The following SLC39A7 variants were observed in gnomAD, a reference collection of about 807,000 sequenced individuals.
The protein encoded by SLC39A7 is zinc transporter SLC39A7.
SLC39A7 carries 25 observed loss-of-function variants against 39.7 expected under a neutral mutation model. The ratio of observed to expected loss-of-function variants is 0.63; its 90% CI spans 0.46 to 0.88. SLC39A7 has a LOEUF of 0.88. Ranked by LOEUF, SLC39A7 falls within the 40% of genes least tolerant of loss-of-function variation. SLC39A7 has a pLI of 0.00. For missense variants in SLC39A7, 501 were observed against 592.1 expected, an observed-to-expected ratio of 0.85 and a Z score of 1.60; for synonymous variants, 181 against 234.1, an observed-to-expected ratio of 0.77 and a Z score of 2.07.
chr6:33,201,433 G>A lies in SLC39A7; in HGVS notation c.188G>A (p.Gly63Asp). Residue 63 changes from glycine (G) to aspartate (D), a missense_variant, in exon 1 of 7, where the codon GGC (glycine) becomes GAC (aspartate). Transcript: ENST00000374677. The surrounding 1 kb of genome is among the most constrained non-coding windows in gnomAD (Gnocchi z 5.9). ...DFHHGHSHAH[G>D]HGHTHESIWH... ...CACCATGGCCACAGCCATGCCCATG[G>A]CCATGGCCACACTCACGAGAGCATC... 3 of 1,613,558 alleles carry A rather than the reference G, an allele frequency of 1.9e-6. No individual in the cohort carries two copies. Among genetic ancestry groups the A allele is most frequent in the Non-Finnish European group, 2.5e-6 (3 of 1,179,528 alleles).
Position 33,201,450 on chromosome 6 carries a change from G to A in SLC39A7, c.205G>A (p.Glu69Lys). Residue 69 changes from glutamate to lysine, a missense_variant, in exon 1 of 7, where the codon GAG (glutamate) becomes AAG (lysine). By Grantham distance (56) the Glu-to-Lys change is moderately conservative. Transcript: ENST00000374677. This position sits in a 1 kb window ranked among gnomAD's most constrained non-coding sequence, Gnocchi z 5.9. ...TGCCCATGGCCATGGCCACACTCAC[G>A]AGAGCATCTGGCATGGACATACCCA... ...SHAHGHGHTH[E>K]SIWHGHTHDH... 3 of 1,614,092 alleles carry A rather than the reference G, an allele frequency of 1.9e-6. No homozygotes were observed. Among genetic ancestry groups the A allele is most frequent in the Non-Finnish European group, 2.5e-6 (3 of 1,179,976 alleles).
chr6:33,201,972 G>A lies in SLC39A7; in HGVS notation c.580+59G>A. On this transcript the variant is annotated intron_variant, in intron 2 of 6. Transcript: ENST00000374677. The surrounding 1 kb of genome is among the most constrained non-coding windows in gnomAD (Gnocchi z 5.9). ...CCTATTTCGTTCTTTGGAGGAAAAGGGTTCTTTCTCCTTTATGATCCCTGA... is the reference window on the plus strand; with the variant it reads ...CCTATTTCGTTCTTTGGAGGAAAAGAGTTCTTTCTCCTTTATGATCCCTGA... 1 of 1,599,094 alleles carries A rather than the reference G, an allele frequency of 6.3e-7. No individual in the cohort carries two copies. Among genetic ancestry groups the A allele is most frequent in the Non-Finnish European group, 8.6e-7 (1 of 1,167,470 alleles).
At chr6:33,202,488 A>C in intron 4 of SLC39A7, 61 bp downstream of exon 4, 2 of 1,603,172 alleles carry the variant, frequency 1.2e-6, no homozygotes, top group South Asian at 2.2e-5. Flanking sequence ...TCCTCATCTT[A>C]TGGCCCTCAG....
At chr6:33,203,408 C>G in intron 6 of SLC39A7, 133 bp from the exon 7 acceptor site, 1 of 934,300 alleles carries the variant, frequency 1.1e-6, no homozygotes, top group Non-Finnish European at 1.6e-6. Flanking sequence ...CTAGACTGCT[C>G]CCTCTTCTCT....
rs1774536707 is a variant in SLC39A7, at chr6:33,201,386, C to T, written c.141C>T (p.His47=). 1 of 1,614,114 alleles carries T rather than the reference C, an allele frequency of 6.2e-7. No individual in the cohort carries two copies. Among genetic ancestry groups the T allele is most frequent in the Non-Finnish European group, 8.5e-7 (1 of 1,179,984 alleles). ...AAGAGGACTTCCATGGCCACAGCCA[C>T]AGGCACTCACATGAAGATTTCCACC... The part of the protein sequence containing the change: ...DLQEDFHGHS[H]RHSHEDFHHG... The change falls in exon 1 of 7, where the codon CAC becomes CAT. Residue 47 remains histidine, a synonymous_variant. Transcript: ENST00000374677. The surrounding 1 kb of genome is among the most constrained non-coding windows in gnomAD (Gnocchi z 5.9).
rs377655534 is a variant in SLC39A7 at position 33,203,855 on chromosome 6, C to T, written c.*42C>T. 3.5e-5 allele frequency: 56 copies of T among 1,605,708 alleles called. No individual in the cohort carries two copies. In the African/African-American group the frequency reaches 6.6e-4, roughly 19 times the overall value. On this transcript the variant is annotated 3_prime_UTR_variant, in exon 7 of 7. Coordinates refer to ENST00000374677, the MANE Select transcript of SLC39A7 (RefSeq NM_006979.3). ...CCCTGCCCCAAACCTCTACCCCTAA[C>T]TCCAGGTCAGGGGTGCGTAGAGGTT...
rs1285823849 is a variant in SLC39A7 at position 33,201,955 on chromosome 6, G to C, written c.580+42G>C. On this transcript the variant is annotated intron_variant, in intron 2 of 6. Coordinates refer to ENST00000374677, the MANE Select transcript of SLC39A7 (RefSeq NM_006979.3). The surrounding 1 kb of genome is among the most constrained non-coding windows in gnomAD (Gnocchi z 5.9). ...TTCTACCTCAAATCTAACCTATTTC[G>C]TTCTTTGGAGGAAAAGGGTTCTTTC... 1 of 1,606,150 alleles carries C rather than the reference G, an allele frequency of 6.2e-7. No homozygotes were observed. The highest frequency in any genetic ancestry group is 1.3e-5 in the African/African-American group (1 of 74,712).
Position 33,203,610 on chromosome 6 carries a change from G to A in SLC39A7, c.1207G>A (p.Gly403Arg), listed in dbSNP as rs1774788425. Residue 403 changes from glycine (G) to arginine (R), a missense_variant, in exon 7 of 7, where the codon GGA becomes AGA. Transcript: ENST00000374677. Reference protein sequence around the residue: ...AGTACALLTEGGAVGSEIAGG... With the variant: ...AGTACALLTERGAVGSEIAGG... ...CACAGCCTGTGCCCTTCTCACTGAA[G>A]GAGGAGCAGTGGGCAGTGAAATTGC... The A allele has an allele frequency of 6.2e-7, 1 of 1,614,228 alleles. No homozygotes were observed. The highest frequency in any genetic ancestry group is 1.3e-5 in the African/African-American group (1 of 75,052).
chr6:33,204,418 A>G lies in SLC39A7; in HGVS notation c.*605A>G, dbSNP rs1774850558. 1.7e-6 allele frequency: 1 copy of G among 597,332 alleles called. No individual in the cohort carries two copies. Among genetic ancestry groups the G allele is most frequent in the Non-Finnish European group, 3.0e-6 (1 of 335,196 alleles). The allele number at this position is 597,332 out of a possible 1,614,324, so 37.0% of individuals were successfully genotyped here. A position where few individuals can be genotyped will look rare whatever the true frequency, so the allele number is the denominator to read the frequency against. ...GGAGGGGTGGTAACCGGAAATAAAG[A>G]CCTCCGATCTTCCGCCCCACATGCA... On this transcript the variant is annotated 3_prime_UTR_variant, in exon 7 of 7. Transcript: ENST00000374677.
Position 33,201,188 on chromosome 6 carries a change from G to A in SLC39A7, c.-58G>A, listed in dbSNP as rs969198235. 1.4e-4 allele frequency: 208 copies of A among 1,514,354 alleles called. No individual in the cohort carries two copies. Among genetic ancestry groups the A allele is most frequent in the Non-Finnish European group, 1.8e-4 (206 of 1,120,678 alleles). 93.8% of individuals were successfully genotyped at this position (1,514,354 alleles called of 1,614,324 possible). A position where few individuals can be genotyped will look rare whatever the true frequency, so the allele number is the denominator to read the frequency against. On this transcript the variant is annotated 5_prime_UTR_variant, in exon 1 of 7. It adds an upstream start codon to the 5' untranslated region. Coordinates refer to ENST00000374677, the MANE Select transcript of SLC39A7 (RefSeq NM_006979.3). The surrounding 1 kb of genome is among the most constrained non-coding windows in gnomAD (Gnocchi z 5.9). ...GCGCGATTGGAGTAAAGCGGACCCT[G>A]TGTAGGTATAGAGTTGAGTCAAGTG...
chr6:33,200,872 C>T lies in SLC39A7; in HGVS notation c.-374C>T, dbSNP rs1405111184. The T allele has an allele frequency of 2.1e-6, 3 of 1,453,614 alleles. No individual in the cohort carries two copies. The highest frequency in any genetic ancestry group is 1.2e-5 in the South Asian group (1 of 81,886). The allele number at this position is 1,453,614 out of a possible 1,614,324, so 90.0% of individuals were successfully genotyped here. A position where few individuals can be genotyped will look rare whatever the true frequency, so the allele number is the denominator to read the frequency against. Reference sequence around the variant, plus strand: ...CGAAGGTGGAACGGAACTTCCTGTTCTCGCGGGATCTAAAGGCGGGACTGC... The same window carrying T: ...CGAAGGTGGAACGGAACTTCCTGTTTTCGCGGGATCTAAAGGCGGGACTGC... On this transcript the variant is annotated 5_prime_UTR_variant, in exon 1 of 7. Transcript: ENST00000374677. This position sits in a 1 kb window ranked among gnomAD's most constrained non-coding sequence, Gnocchi z 6.3.
chr6:33,203,516 C>G, intron 6 of SLC39A7, 25 bp from the exon 7 acceptor site: 1 of 1,613,142 alleles, frequency 6.2e-7, no homozygotes, highest in East Asian at 2.2e-5. Flanking sequence ...TTGGTGAGTG[C>G]CTTTTTCTCT....
chr6:33,202,907 A>G lies in SLC39A7; in HGVS notation c.941-3A>G, dbSNP rs1426462566. 2 of 1,609,544 alleles carry G rather than the reference A, an allele frequency of 1.2e-6. No homozygotes were observed. Among genetic ancestry groups the G allele is most frequent in the South Asian group, 1.1e-5 (1 of 90,914 alleles). On this transcript the variant is annotated splice_polypyrimidine_tract_variant and splice_region_variant and intron_variant, in intron 5 of 6. Transcript: ENST00000374677. ...ATCATTTTCTCTTCTTGTCCTGTAC[A>G]AGACCTGCGTGTGTCGGGGTACCTG...
Position 33,201,894 on chromosome 6 carries a change from C to T in SLC39A7, c.561C>T (p.His187=). The T allele has an allele frequency of 1.9e-6, 3 of 1,612,832 alleles. No homozygotes were observed. The highest frequency in any genetic ancestry group is 1.1e-5 in the South Asian group (1 of 91,076). ...SGGLLGDAFL[H]LIPHALEPHS... ...GGCTCCTGGGAGATGCTTTCCTGCA[C>T]CTCATTCCTCATGCTCTTGGTAAGT... Residue 187 remains histidine, a synonymous_variant, in exon 2 of 7, where the codon CAC becomes CAT. Transcript: ENST00000374677. This position sits in a 1 kb window ranked among gnomAD's most constrained non-coding sequence, Gnocchi z 5.9.
Position 33,203,605 on chromosome 6 carries a change from C to G in SLC39A7, c.1202C>G (p.Thr401Ser), listed in dbSNP as rs768213157. 1.2e-6 allele frequency: 2 copies of G among 1,614,260 alleles called. No individual in the cohort carries two copies. Among genetic ancestry groups the G allele is most frequent in the Non-Finnish European group, 1.7e-6 (2 of 1,180,040 alleles). Residue 401 changes from threonine to serine, a missense_variant, in exon 7 of 7, where the codon ACT becomes AGT. By Grantham distance (58) the Thr-to-Ser change is moderately conservative. Coordinates refer to ENST00000374677, the MANE Select transcript of SLC39A7 (RefSeq NM_006979.3). ...ALAGTACALL[T>S]EGGAVGSEIA... is the part of the protein sequence containing the mutation. ...GCAGGCACAGCCTGTGCCCTTCTCACTGAAGGAGGAGCAGTGGGCAGTGAA... is the reference window on the plus strand; with the variant it reads ...GCAGGCACAGCCTGTGCCCTTCTCAGTGAAGGAGGAGCAGTGGGCAGTGAA...
rs1562434351 is a variant in SLC39A7, at chr6:33,203,032, G to A, written c.1063G>A (p.Val355Ile). The change falls in exon 6 of 7, where the codon GTC becomes ATC. Residue 355 changes from valine (V) to isoleucine (I), a missense_variant. Coordinates refer to ENST00000374677, the MANE Select transcript of SLC39A7 (RefSeq NM_006979.3). ...RGLGILTTMT[V>I]LLHEVPHEVG... ...ACTAGGGATCCTGACCACAATGACTGTCCTGCTACATGAAGTGCCCCACGA... is the reference window on the plus strand; with the variant it reads ...ACTAGGGATCCTGACCACAATGACTATCCTGCTACATGAAGTGCCCCACGA... The A allele has an allele frequency of 1.2e-6, 2 of 1,612,346 alleles. No individual in the cohort carries two copies. Among genetic ancestry groups the A allele is most frequent in the Admixed American group, 1.7e-5 (1 of 59,726 alleles).
At chr6:33,203,247 T>C in intron 6 of SLC39A7, 141 bp downstream of exon 6, 1 of 802,158 alleles carries the variant, frequency 1.2e-6, no homozygotes, top group Non-Finnish European at 2.0e-6. Flanking sequence ...GAAGAAGTTC[T>C]GGTTACTTTG....
chr6:33,202,126 G>A lies in SLC39A7; in HGVS notation c.634+1G>A. The A allele has an allele frequency of 6.2e-7, 1 of 1,612,880 alleles. No individual in the cohort carries two copies. The highest frequency in any genetic ancestry group is 8.5e-7 in the Non-Finnish European group (1 of 1,179,934). ...CCCGGACATGGACACTCCCACAGTG[G>A]TGAGGAAGAGACAGATGGGGATGGG... On this transcript the variant is annotated splice_donor_variant, in intron 3 of 6. Transcript: ENST00000374677. LOFTEE classifies it high-confidence loss of function.
In SLC39A7 at chr6:33,204,198, T is replaced by G; in HGVS notation, c.*385T>G. 1 of 452,234 alleles carries G rather than the reference T, an allele frequency of 2.2e-6. No homozygotes were observed. Among genetic ancestry groups the G allele is most frequent in the Non-Finnish European group, 4.0e-6 (1 of 247,952 alleles). 28.0% of individuals were successfully genotyped at this position (452,234 alleles called of 1,614,324 possible). On this transcript the variant is annotated 3_prime_UTR_variant, in exon 7 of 7. Coordinates refer to ENST00000374677, the MANE Select transcript of SLC39A7 (RefSeq NM_006979.3). ...CAGTTTCCTTTCTCCCACCAGTTGG[T>G]GGAGGCTTCAGGGAAGACCAGAGTC...
Sources: allele counts gnomAD v4.1 joint callset, GRCh38; gene constraint gnomAD v4.1.1; non-coding constraint Gnocchi (gnomAD v3.1); transcripts MANE v1.5; gene names NCBI Gene and HGNC (gene_info 2026-07-23, HGNC 2026-07-21).